The following RAB6C variants were observed in gnomAD, a reference collection of about 807,000 sequenced individuals.
RAB6C encodes RAB6C, member RAS oncogene family.
In RAB6C, 8 loss-of-function variants were observed where a neutral mutation model predicts 17.2. The ratio of observed to expected loss-of-function variants is 0.46; its 90% confidence interval spans 0.27 to 0.84. The LOEUF is 0.84. Ranked by LOEUF, RAB6C falls within the 40% of genes least tolerant of loss-of-function variation. RAB6C has a pLI of 0.13. For missense variants in RAB6C, 151 were observed against 306.5 expected (o/e 0.49, Z 3.79); for synonymous variants, 78 against 118.9 (o/e 0.66, Z 2.24).
Position 129,979,814 on chromosome 2 carries a change from C to A in RAB6C, c.-302C>A. 1.8e-6 allele frequency: 1 copy of A among 553,356 alleles called. No individual in the cohort carries two copies. The highest frequency in any genetic ancestry group is 3.3e-6 in the Non-Finnish European group (1 of 302,772). The allele number at this position is 553,356 out of a possible 1,614,324, so 34.3% of individuals were successfully genotyped here. A position where few individuals can be genotyped will look rare whatever the true frequency, so the allele number is the denominator to read the frequency against. On this transcript the variant is annotated 5_prime_UTR_variant, in exon 1 of 1. Coordinates refer to ENST00000410061, the MANE Select transcript of RAB6C (RefSeq NM_032144.3). ...CCGGGTGCGGAAGGAGGGAACGGCC[C>A]TAGCCTTGGGAAGCCAAAGCACACC...
At position 129,980,424 on chromosome 2, in the gene RAB6C, A is replaced by T; in HGVS notation, c.309A>T (p.Gln103His). 1 of 1,613,852 alleles carries T rather than the reference A, an allele frequency of 6.2e-7. No individual in the cohort carries two copies. Among genetic ancestry groups the T allele is most frequent in the Non-Finnish European group, 8.5e-7 (1 of 1,180,006 alleles). Reference sequence around the variant, plus strand: ...TCACAAATGTTAACTCATTCCAGCAAACTACAAAGTGGATTGATGATGTCA... The same window carrying T: ...TCACAAATGTTAACTCATTCCAGCATACTACAAAGTGGATTGATGATGTCA... ...YDITNVNSFQ[Q>H]TTKWIDDVRT... is the part of the protein sequence containing the mutation. The change falls in exon 1 of 1, where the codon CAA (glutamine) becomes CAT (histidine). Residue 103 changes from glutamine to histidine, a missense_variant. This residue lies in a region of RAB6C where 136 missense variants were observed against 200.0 expected (regional missense o/e 0.68). Coordinates refer to ENST00000410061, the MANE Select transcript of RAB6C (RefSeq NM_032144.3).
At position 129,981,889 on chromosome 2, in the gene RAB6C, G is replaced by A. The variant is rs67910912; in HGVS notation, c.*1009G>A. On this transcript the variant is annotated 3_prime_UTR_variant, in exon 1 of 1. Coordinates refer to ENST00000410061, the MANE Select transcript of RAB6C (RefSeq NM_032144.3). ...GTCAAATTGAAGACGGAAGACGGAA[G>A]ACGGAAACCGGAAACCGTTTTCTTG... 3.6e-5 allele frequency: 4 copies of A among 109,826 alleles called. No individual in the cohort carries two copies. Among genetic ancestry groups the A allele is most frequent in the African/African-American group, 9.3e-5 (2 of 21,436 alleles). 6.8% of individuals were successfully genotyped at this position (109,826 alleles called of 1,614,324 possible).
chr2:129,980,752 T>C lies in RAB6C; in HGVS notation c.637T>C (p.Ser213Pro), dbSNP rs1221893601. ...GGGTTGTTCCTGCTACTCTCCCATG[T>C]CATCTTCAACCCTTCCTCAGAAGCC... is the stretch of plus-strand genomic sequence containing the variant. ...EGGCSCYSPM[S>P]SSTLPQKPPY... The change falls in exon 1 of 1, where the codon TCA becomes CCA. Residue 213 changes from serine to proline, a missense_variant. Around this residue, in one of 2 missense-constraint regions of RAB6C, gnomAD observed 136 missense variants for 200.0 expected, o/e 0.68. Coordinates refer to ENST00000410061, the MANE Select transcript of RAB6C (RefSeq NM_032144.3). The C allele has an allele frequency of 5.6e-6, 9 of 1,607,654 alleles. No homozygotes were observed. Among genetic ancestry groups the C allele is most frequent in the Non-Finnish European group, 7.7e-6 (9 of 1,175,560 alleles).
rs1159203640 is a variant in RAB6C, at chr2:129,980,617, C to G, written c.502C>G (p.Arg168Gly). 2 of 1,612,892 alleles carry G rather than the reference C, an allele frequency of 1.2e-6. No individual in the cohort carries two copies. Among genetic ancestry groups the G allele is most frequent in the South Asian group, 1.1e-5 (1 of 90,982 alleles). ...KAGYNVKQLF[R>G]RVAAALPGME... ...TGGATACAATGTAAAGCAGCTCTTT[C>G]GACGTGTAGCAGCAGCTTTGCCGGG... is the stretch of plus-strand genomic sequence containing the variant. The change falls in exon 1 of 1, where the codon CGA becomes GGA. Residue 168 changes from arginine to glycine, a missense_variant. By Grantham distance (125) the Arg-to-Gly change is moderately radical. Transcript: ENST00000410061.
rs13430313 is a variant in RAB6C at position 129,981,935 on chromosome 2, A to T, written c.*1055A>T. 0.073 allele frequency: 12,076 copies of T among 166,448 alleles called. 1,596 individuals are homozygous for T. The highest frequency in any genetic ancestry group is 0.28 in the African/African-American group (11,375 of 40,854). The allele number at this position is 166,448 out of a possible 1,614,324, so 10.3% of individuals were successfully genotyped here. A position where few individuals can be genotyped will look rare whatever the true frequency, so the allele number is the denominator to read the frequency against. ...TCTTGTAAGCCCCTAGAGGCAGATC[A>T]GGTAAAGCATACATAGTAGAGGGAA... On this transcript the variant is annotated 3_prime_UTR_variant, in exon 1 of 1. Transcript: ENST00000410061.
In RAB6C at chr2:129,980,392, T is replaced by A. The variant is rs752770599; in HGVS notation, c.277T>A (p.Tyr93Asn). Residue 93 changes from tyrosine (Y) to asparagine (N), a missense_variant, in exon 1 of 1, where the codon TAC becomes AAC. Transcript: ENST00000410061. ...TGATTCTGCTGCAGCTGTAGTAGTT[T>A]ACGATATCACAAATGTTAACTCATT... ...IRDSAAAVVV[Y>N]DITNVNSFQQ... 1 of 1,613,184 alleles carries A rather than the reference T, an allele frequency of 6.2e-7. No homozygotes were observed. Among genetic ancestry groups the A allele is most frequent in the Non-Finnish European group, 8.5e-7 (1 of 1,179,794 alleles).
At position 129,980,634 on chromosome 2, in the gene RAB6C, T is replaced by G. The variant is rs1338049100; in HGVS notation, c.519T>G (p.Ala173=). The G allele has an allele frequency of 1.9e-6, 3 of 1,612,892 alleles. No homozygotes were observed. Among genetic ancestry groups the G allele is most frequent in the South Asian group, 2.2e-5 (2 of 90,966 alleles). The part of the protein sequence containing the change: ...VKQLFRRVAA[A]LPGMESTQDG... ...AGCTCTTTCGACGTGTAGCAGCAGC[T>G]TTGCCGGGAATGGAAAGCACACAGG... Residue 173 remains alanine (A), a synonymous_variant, in exon 1 of 1, where the codon GCT becomes GCG. Transcript: ENST00000410061.
rs1460074899 is a variant in RAB6C, at chr2:129,980,601, T to C, written c.486T>C (p.Asn162=). 5.6e-6 allele frequency: 9 copies of C among 1,613,370 alleles called. No individual in the cohort carries two copies. The highest frequency in any genetic ancestry group is 6.8e-6 in the Non-Finnish European group (8 of 1,179,784). The change falls in exon 1 of 1, where the codon AAT becomes AAC. Residue 162 remains asparagine (N), a synonymous_variant. Transcript: ENST00000410061. ...FIETRAKAGY[N]VKQLFRRVAA... Reference sequence around the variant, plus strand: ...AAACTAGGGCAAAAGCTGGATACAATGTAAAGCAGCTCTTTCGACGTGTAG... The same window carrying C: ...AAACTAGGGCAAAAGCTGGATACAACGTAAAGCAGCTCTTTCGACGTGTAG...
rs764866541 is a variant in RAB6C at position 129,980,832 on chromosome 2, A to G, written c.717A>G (p.Ser239=). ...ATATTGGCTTGAACCTTTTCCCTTC[A>G]TTAATAACGTTTTGCAATTCATCAT... ...SVNIGLNLFP[S]LITFCNSSLL... is the part of the protein sequence containing the mutation. The change falls in exon 1 of 1, where the codon TCA becomes TCG. Residue 239 remains serine, a synonymous_variant. Transcript: ENST00000410061. 3.2e-5 allele frequency: 52 copies of G among 1,601,802 alleles called. No individual in the cohort carries two copies. Among genetic ancestry groups the G allele is most frequent in the Non-Finnish European group, 4.0e-5 (47 of 1,172,472 alleles).
rs1448226811 is a variant in RAB6C, at chr2:129,982,400, G to A, written c.*1520G>A. Reference sequence around the variant, plus strand: ...TATGTTGTAAACGTTACTTAACACAGTATAAAGATGAAAAGACAACAAAAG... The same window carrying A: ...TATGTTGTAAACGTTACTTAACACAATATAAAGATGAAAAGACAACAAAAG... On this transcript the variant is annotated 3_prime_UTR_variant, in exon 1 of 1. Coordinates refer to ENST00000410061, the MANE Select transcript of RAB6C (RefSeq NM_032144.3). The A allele has an allele frequency of 6.0e-6, 1 of 167,088 alleles. No individual in the cohort carries two copies. Among genetic ancestry groups the A allele is most frequent in the East Asian group, 1.9e-4 (1 of 5,198 alleles). 10.4% of individuals were successfully genotyped at this position (167,088 alleles called of 1,614,324 possible).
In RAB6C at chr2:129,981,437, G is replaced by C. The variant is rs1681762199; in HGVS notation, c.*557G>C. The C allele has an allele frequency of 5.9e-6, 1 of 169,876 alleles. No individual in the cohort carries two copies. Among genetic ancestry groups the C allele is most frequent in the Non-Finnish European group, 1.4e-5 (1 of 69,832 alleles). The allele number at this position is 169,876 out of a possible 1,614,324, so 10.5% of individuals were successfully genotyped here. A position where few individuals can be genotyped will look rare whatever the true frequency, so the allele number is the denominator to read the frequency against. On this transcript the variant is annotated 3_prime_UTR_variant, in exon 1 of 1. Coordinates refer to ENST00000410061, the MANE Select transcript of RAB6C (RefSeq NM_032144.3). Reference sequence around the variant, plus strand: ...ACATACTGAGTACTTATAAGTAGCAGAACATAAAATGTATTTCTGACTAAC... The same window carrying C: ...ACATACTGAGTACTTATAAGTAGCACAACATAAAATGTATTTCTGACTAAC...
rs185972652 is a variant in RAB6C, at chr2:129,980,988, C to A, written c.*108C>A. On this transcript the variant is annotated 3_prime_UTR_variant, in exon 1 of 1. Coordinates refer to ENST00000410061, the MANE Select transcript of RAB6C (RefSeq NM_032144.3). ...CGGTGATAACTTTAAAAATTAGATA[C>A]ATTTTCTTAACATTTTTTTCTTTTT... 2.8e-4 allele frequency: 411 copies of A among 1,445,446 alleles called. 2 individuals carry two copies. The African/African-American group carries it at 4.8e-3, about 17-fold the overall frequency. 89.5% of individuals were successfully genotyped at this position (1,445,446 alleles called of 1,614,324 possible). A position where few individuals can be genotyped will look rare whatever the true frequency, so the allele number is the denominator to read the frequency against.
rs1223452793 is a variant in RAB6C at position 129,981,175 on chromosome 2, A to AC, written c.*296dup. The AC allele has an allele frequency of 4.8e-6, 1 of 206,988 alleles. No individual in the cohort carries two copies. Among genetic ancestry groups the AC allele is most frequent in the East Asian group, 1.3e-4 (1 of 7,942 alleles). The allele number at this position is 206,988 out of a possible 1,614,324, so 12.8% of individuals were successfully genotyped here. On this transcript the variant is annotated 3_prime_UTR_variant, in exon 1 of 1. Coordinates refer to ENST00000410061, the MANE Select transcript of RAB6C (RefSeq NM_032144.3). The stretch of plus-strand genomic sequence containing the variant: ...CCGTGTTCTTACCTAGCCTCCCCCC[A>AC]CTTCCTCAAAACAAACAAGAGATGG...
At position 129,980,542 on chromosome 2, in the gene RAB6C, A is replaced by G. The variant is rs1474263910; in HGVS notation, c.427A>G (p.Arg143Gly). ...KRQVSVEEGERKAKGLNVTFI... is the reference protein window; with the variant it reads ...KRQVSVEEGEGKAKGLNVTFI... Reference sequence around the variant, plus strand: ...GCAAGTGTCAGTTGAGGAGGGAGAGAGGAAAGCCAAAGGGCTGAATGTTAC... The same window carrying G: ...GCAAGTGTCAGTTGAGGAGGGAGAGGGGAAAGCCAAAGGGCTGAATGTTAC... The change falls in exon 1 of 1, where the codon AGG (arginine) becomes GGG (glycine). Residue 143 changes from arginine to glycine, a missense_variant. This residue lies in a region of RAB6C where 136 missense variants were observed against 200.0 expected (regional missense o/e 0.68). Coordinates refer to ENST00000410061, the MANE Select transcript of RAB6C (RefSeq NM_032144.3). 1.2e-6 allele frequency: 2 copies of G among 1,614,180 alleles called. No homozygotes were observed. The highest frequency in any genetic ancestry group is 1.7e-6 in the Non-Finnish European group (2 of 1,180,050).
chr2:129,980,343 T>G lies in RAB6C; in HGVS notation c.228T>G (p.Arg76=). 6.2e-7 allele frequency: 1 copy of G among 1,611,450 alleles called. No homozygotes were observed. The highest frequency in any genetic ancestry group is 8.5e-7 in the Non-Finnish European group (1 of 1,179,198). Residue 76 remains arginine (R), a synonymous_variant, in exon 1 of 1, where the codon CGT becomes CGG. Coordinates refer to ENST00000410061, the MANE Select transcript of RAB6C (RefSeq NM_032144.3). ...ATACGGCGGGTCAGGAACGTCTCCG[T>G]AGCCTCATTCCCAGGTACATCCGTG... ...LWDTAGQERL[R]SLIPRYIRDS...
rs1558846985 is a variant in RAB6C, at chr2:129,980,676, C to T, written c.561C>T (p.Asp187=). The T allele has an allele frequency of 5.0e-6, 8 of 1,609,522 alleles. No homozygotes were observed. ...MESTQDGSRE[D]MSDIKLEKPQ... ...GCACACAGGACGGAAGCAGAGAAGACATGAGTGACATAAAACTGGAAAAGC... is the reference window on the plus strand; with the variant it reads ...GCACACAGGACGGAAGCAGAGAAGATATGAGTGACATAAAACTGGAAAAGC... Residue 187 remains aspartate, a synonymous_variant, in exon 1 of 1, where the codon GAC becomes GAT. Coordinates refer to ENST00000410061, the MANE Select transcript of RAB6C (RefSeq NM_032144.3).
At position 129,981,043 on chromosome 2, in the gene RAB6C, T is replaced by C. The variant is rs1234310328; in HGVS notation, c.*163T>C. ...GTTATGATAATGTACTTCAAAATGA[T>C]GGAAATCTCAACAGTATGAGTATGG... On this transcript the variant is annotated 3_prime_UTR_variant, in exon 1 of 1. Coordinates refer to ENST00000410061, the MANE Select transcript of RAB6C (RefSeq NM_032144.3). 1.3e-6 allele frequency: 1 copy of C among 780,578 alleles called. No individual in the cohort carries two copies. The highest frequency in any genetic ancestry group is 2.0e-6 in the Non-Finnish European group (1 of 491,418). 48.4% of individuals were successfully genotyped at this position (780,578 alleles called of 1,614,324 possible). A position where few individuals can be genotyped will look rare whatever the true frequency, so the allele number is the denominator to read the frequency against.
chr2:129,981,047 A>C lies in RAB6C; in HGVS notation c.*167A>C. The C allele has an allele frequency of 1.4e-6, 1 of 718,458 alleles. No individual in the cohort carries two copies. The highest frequency in any genetic ancestry group is 2.3e-6 in the Non-Finnish European group (1 of 435,072). 44.5% of individuals were successfully genotyped at this position (718,458 alleles called of 1,614,324 possible). A position where few individuals can be genotyped will look rare whatever the true frequency, so the allele number is the denominator to read the frequency against. On this transcript the variant is annotated 3_prime_UTR_variant, in exon 1 of 1. Coordinates refer to ENST00000410061, the MANE Select transcript of RAB6C (RefSeq NM_032144.3). ...TGATAATGTACTTCAAAATGATGGAAATCTCAACAGTATGAGTATGGCTTG... is the reference window on the plus strand; with the variant it reads ...TGATAATGTACTTCAAAATGATGGACATCTCAACAGTATGAGTATGGCTTG...
chr2:129,982,704 A>G lies in RAB6C; in HGVS notation c.*1824A>G, dbSNP rs187724214. 6 of 167,268 alleles carry G rather than the reference A, an allele frequency of 3.6e-5. No homozygotes were observed. The highest frequency in any genetic ancestry group is 2.0e-4 in the Admixed American group (3 of 15,312). The allele number at this position is 167,268 out of a possible 1,614,324, so 10.4% of individuals were successfully genotyped here. A position where few individuals can be genotyped will look rare whatever the true frequency, so the allele number is the denominator to read the frequency against. On this transcript the variant is annotated 3_prime_UTR_variant, in exon 1 of 1. Transcript: ENST00000410061. ...GGTTGACTCTTTGTTTTATTTTGAC[A>G]TGGCATGTCCTGAAATAAATATTGA...
Sources: gnomAD v4.1 joint callset for allele counts on GRCh38, gnomAD v4.1.1 for gene constraint, gnomAD v4.1.1 regional missense constraint, MANE v1.5 for transcripts, NCBI Gene and HGNC (gene_info 2026-07-23, HGNC 2026-07-21) for gene names.